Variants in RSPO2 observed in about 807,000 individuals in gnomAD.
RSPO2 encodes the protein R-spondin 2.
In RSPO2, 14 loss-of-function variants were observed where a neutral mutation model predicts 30.9. The observed-to-expected ratio is 0.45, with a 90% CI of 0.30 to 0.71. The LOEUF (loss-of-function observed/expected upper bound fraction) is 0.71, where lower values mean the gene tolerates loss of function less well. RSPO2 is among the 30% of genes least tolerant of loss of function. The pLI, the probability that RSPO2 is intolerant of heterozygous loss-of-function variation, is 0.08. For synonymous variants in RSPO2, 107 were observed against 96.4 expected, an observed-to-expected ratio of 1.11 and a Z score of -0.64; for missense variants, 264 against 301.9, an observed-to-expected ratio of 0.87 and a Z score of 0.93.
chr8:107,999,014 CCAGT>C (rs1815129898), intron 2 of RSPO2, among the ~76,000 whole-genome samples: 1 of 152,058 alleles, frequency 6.6e-6, no homozygotes, highest in African/African-American at 2.4e-5. Context: ...CCACTGTACT[CCAGT>C]CAGTAAGACT....
At chr8:107,964,290 A>G (rs984570316) in intron 3 of RSPO2, among the ~76,000 whole-genome samples, 1 of 152,230 alleles carries the variant, frequency 6.6e-6, no homozygotes, top group South Asian at 2.1e-4. Flanking sequence ...TTGCCCAGGC[A>G]GGAGTGCAAT....
At chr8:107,975,213 CAT>C (rs1453835393) in intron 3 of RSPO2, among the ~76,000 whole-genome samples, 1 of 152,204 alleles carries the variant, frequency 6.6e-6, no homozygotes, top group Non-Finnish European at 1.5e-5. Context: ...TTTATCTTTA[CAT>C]GACTTTAAAT....
intron 5 of RSPO2, among the ~76,000 whole-genome samples, chr8:107,947,280 G>C (rs1813094518): frequency 6.6e-6 from 1 of 152,184 alleles, no homozygotes; most frequent in Non-Finnish European, 1.5e-5. Context: ...AAGCTGGCTA[G>C]TACAGGAAAC....
intron 5 of RSPO2, among the ~76,000 whole-genome samples, chr8:107,952,289 G>A (rs1001398415): frequency 6.7e-6 from 1 of 149,026 alleles, no homozygotes; most frequent in African/African-American, 2.5e-5. Flanking sequence ...ACACACACAT[G>A]CACACACACA....
At chr8:108,063,155 C>G (rs978380426) in intron 2 of RSPO2, among the ~76,000 whole-genome samples, 1 of 151,774 alleles carries the variant, frequency 6.6e-6, no homozygotes, top group Non-Finnish European at 1.5e-5. Flanking sequence ...CACTCCTATT[C>G]AAAATAGTGT....
intron 2 of RSPO2, among the ~76,000 whole-genome samples, chr8:108,035,992 T>G (rs571817313): frequency 3.9e-5 from 6 of 152,332 alleles, no homozygotes; most frequent in African/African-American, 1.4e-4. Flanking sequence ...AGGCATCTTA[T>G]GAATCTAGGC....
chr8:107,939,264 T>G (rs1043180611), intron 5 of RSPO2, among the ~76,000 whole-genome samples: 2 of 152,066 alleles, frequency 1.3e-5, no homozygotes, highest in East Asian at 1.9e-4. Flanking sequence ...CCTCCCACAC[T>G]TTCCCCATGT....
chr8:107,970,315 A>G (rs1196940836), intron 3 of RSPO2, among the ~76,000 whole-genome samples: 2 of 152,116 alleles, frequency 1.3e-5, no homozygotes, highest in Non-Finnish European at 2.9e-5. Context: ...TTAAAATCTC[A>G]ATGACTTAAA....
intron 5 of RSPO2, among the ~76,000 whole-genome samples, chr8:107,924,561 C>A (rs1812291584): frequency 6.6e-6 from 1 of 151,876 alleles, no homozygotes; most frequent in African/African-American, 2.4e-5. Flanking sequence ...TGAATTAAAA[C>A]AAGGTGAGGT....
At chr8:107,919,578 G>A (rs1012922314) in intron 5 of RSPO2, among the ~76,000 whole-genome samples, 6 of 152,160 alleles carry the variant, frequency 3.9e-5, no homozygotes, top group Non-Finnish European at 8.8e-5. Flanking sequence ...ATATTTTGCA[G>A]ATCCTGCACT....
rs192882727 is a variant in RSPO2, at chr8:107,986,103, T to A, written c.283+2953A>T. ...CTTTTAAGGAAGAGAAAAGTGGATA[T>A]CATTTCAAATTCTAAGTCTGTGACA... On this transcript the variant is annotated intron_variant, in intron 3 of 5. Coordinates refer to ENST00000276659, the MANE Select transcript of RSPO2 (RefSeq NM_178565.5). Among the ~76,000 whole-genome samples the A allele has an allele frequency of 1.6e-3, 247 of 152,354 alleles. 2 individuals are homozygous for A. The highest frequency in any genetic ancestry group is 3.0e-3 in the Non-Finnish European group (204 of 68,030).
At chr8:107,968,064 C>T (rs1429357364) in intron 3 of RSPO2, among the ~76,000 whole-genome samples, 1 of 151,954 alleles carries the variant, frequency 6.6e-6, no homozygotes, top group African/African-American at 2.4e-5. Context: ...AATTTACTAC[C>T]AATGTGATCC....
intron 2 of RSPO2, among the ~76,000 whole-genome samples, chr8:108,046,187 C>T (rs1390333942): frequency 2.0e-5 from 3 of 152,048 alleles, no homozygotes; most frequent in Admixed American, 1.3e-4. Flanking sequence ...TTTAGGCCTA[C>T]GGCTTTATGA....
intron 2 of RSPO2, among the ~76,000 whole-genome samples, chr8:107,994,818 T>C (rs1453967635): frequency 6.6e-6 from 1 of 152,154 alleles, no homozygotes; most frequent in East Asian, 1.9e-4. Flanking sequence ...ATCAGTCTTG[T>C]GTATAAAACT....
chr8:108,059,477 T>G (rs1235246303), intron 2 of RSPO2, among the ~76,000 whole-genome samples: 2 of 151,474 alleles, frequency 1.3e-5, no homozygotes. Flanking sequence ...AGAAATACCA[T>G]TTGACCCAGC....
chr8:107,909,460 A>G (rs1350029652), intron 5 of RSPO2, among the ~76,000 whole-genome samples: 1 of 151,742 alleles, frequency 6.6e-6, no homozygotes, highest in Non-Finnish European at 1.5e-5. Context: ...ACAGGTTTTC[A>G]CCATGTTGGT....
chr8:108,043,575 A>G (rs1274494430), intron 2 of RSPO2, among the ~76,000 whole-genome samples: 1 of 144,318 alleles, frequency 6.9e-6, no homozygotes, highest in Non-Finnish European at 1.5e-5. Context: ...TTACTCATAT[A>G]CTTTGGGGGA....
intron 2 of RSPO2, among the ~76,000 whole-genome samples, chr8:108,077,654 A>T (rs1813055598): frequency 6.6e-6 from 1 of 152,188 alleles, no homozygotes; most frequent in Admixed American, 6.5e-5. Flanking sequence ...ACACGTATGC[A>T]TATATACCTT....
At chr8:108,050,741 G>T (rs769801992) in intron 2 of RSPO2, among the ~76,000 whole-genome samples, 1 of 152,130 alleles carries the variant, frequency 6.6e-6, no homozygotes, top group African/African-American at 2.4e-5. Flanking sequence ...CTGAACTCTG[G>T]CTCCCTCTCA....
Sources: gnomAD v4.1 joint callset for allele counts (sites outside exome capture counted in the v4.1 genomes callset) on GRCh38, gnomAD v4.1.1 for gene constraint, MANE v1.5 for transcripts, NCBI Gene and HGNC (gene_info 2026-07-23, HGNC 2026-07-21) for gene names.